TMEM132C: variants seen among roughly 807,000 people sequenced by gnomAD.
TMEM132C encodes the protein transmembrane protein 132C.
Under a neutral mutation model 61.4 loss-of-function variants are expected in TMEM132C, and 29 were observed. The observed-to-expected ratio is 0.47, with a 90% CI of 0.35 to 0.64. The LOEUF is 0.64. Among genes scored for constraint, TMEM132C ranks in the 30% least tolerant of loss-of-function variants. The pLI, the probability that TMEM132C is intolerant of heterozygous loss-of-function variation, is 0.00. For missense variants in TMEM132C, 1,408 were observed against 1,476.9 expected (o/e 0.95, Z 0.76); for synonymous variants, 656 against 633.1 (o/e 1.04, Z -0.54).
At chr12:128,597,494 AAAGAAGGAAGG>A (rs1876013537) in intron 3 of TMEM132C, among the ~76,000 whole-genome samples, 1 of 70,020 alleles carries the variant, frequency 1.4e-5, no homozygotes, top group African/African-American at 4.6e-5. Flanking sequence ...GGAAGGAAGG[AAAGAAGGAAGG>A]AAGGAAGGAA....
chr12:128,349,415 T>G (rs1239117485), intron 1 of TMEM132C, among the ~76,000 whole-genome samples: 3 of 152,172 alleles, frequency 2.0e-5, no homozygotes, highest in Non-Finnish European at 4.4e-5. Flanking sequence ...ACTGAATCCT[T>G]CAAGCTTGGT....
chr12:128,562,139 T>G (rs901140388), intron 3 of TMEM132C, among the ~76,000 whole-genome samples: 1 of 152,212 alleles, frequency 6.6e-6, no homozygotes, highest in African/African-American at 2.4e-5. Context: ...CTCTCCTCTG[T>G]CACTTTGCAC....
intron 1 of TMEM132C, among the ~76,000 whole-genome samples, chr12:128,410,588 T>C (rs987977820): frequency 6.6e-6 from 1 of 152,066 alleles, no homozygotes; most frequent in African/African-American, 2.4e-5. Flanking sequence ...GTATTTTTAG[T>C]AGAGACGGGG....
intron 2 of TMEM132C, among the ~76,000 whole-genome samples, chr12:128,517,651 A>G (rs1872762117): frequency 6.6e-6 from 1 of 152,204 alleles, no homozygotes; most frequent in Non-Finnish European, 1.5e-5. Context: ...GTACAGTTTT[A>G]ACTTCTCTGT....
At chr12:128,394,070 C>G (rs1874858556) in intron 1 of TMEM132C, among the ~76,000 whole-genome samples, 1 of 152,134 alleles carries the variant, frequency 6.6e-6, no homozygotes, top group Non-Finnish European at 1.5e-5. Context: ...TTCCATGAGG[C>G]TGGGGAGGCC....
At chr12:128,401,981 T>C (rs1000064224) in intron 1 of TMEM132C, among the ~76,000 whole-genome samples, 1 of 152,182 alleles carries the variant, frequency 6.6e-6, no homozygotes, top group Non-Finnish European at 1.5e-5. Flanking sequence ...CAGATGTGAT[T>C]AAGGTAAGGC....
At chr12:128,470,406 A>G (rs982315522) in intron 2 of TMEM132C, among the ~76,000 whole-genome samples, 2 of 152,170 alleles carry the variant, frequency 1.3e-5, no homozygotes, top group Non-Finnish European at 2.9e-5. Flanking sequence ...AGGCAGTGGC[A>G]GAAGAATCTT....
chr12:128,351,790 A>G (rs1187766227), intron 1 of TMEM132C, among the ~76,000 whole-genome samples: 1 of 152,198 alleles, frequency 6.6e-6, no homozygotes, highest in Non-Finnish European at 1.5e-5. Flanking sequence ...AACACCTCCT[A>G]GCAGGCCCCA....
At chr12:128,555,687 CA>C (rs1874309697) in intron 3 of TMEM132C, among the ~76,000 whole-genome samples, 1 of 151,632 alleles carries the variant, frequency 6.6e-6, no homozygotes, top group African/African-American at 2.4e-5. Flanking sequence ...AGCCCAAGAT[CA>C]TTGAGGTTAT....
chr12:128,389,248 G>A (rs1426994354), intron 1 of TMEM132C, among the ~76,000 whole-genome samples: 1 of 152,164 alleles, frequency 6.6e-6, no homozygotes, highest in Admixed American at 6.5e-5. Flanking sequence ...CCTCTTTCCT[G>A]GGCTGCCCAG....
intron 2 of TMEM132C, among the ~76,000 whole-genome samples, chr12:128,533,524 AGG>A (rs1366598769): frequency 6.6e-6 from 1 of 152,154 alleles, no homozygotes; most frequent in Non-Finnish European, 1.5e-5. Flanking sequence ...CTGAGGTCTG[AGG>A]GACTGTCTGT....
intron 1 of TMEM132C, among the ~76,000 whole-genome samples, chr12:128,279,565 T>A (rs561919454): frequency 6.6e-6 from 1 of 152,244 alleles, no homozygotes; most frequent in Admixed American, 6.5e-5. Flanking sequence ...AACCCCACAC[T>A]CTGCTCCAGT....
intron 3 of TMEM132C, among the ~76,000 whole-genome samples, chr12:128,550,582 G>A (rs1305528327): frequency 1.3e-5 from 2 of 152,182 alleles, no homozygotes; most frequent in African/African-American, 2.4e-5. Flanking sequence ...TGAGATTACA[G>A]GTGTGAGCCA....
chr12:128,595,183 T>C (rs1875903650), intron 3 of TMEM132C, among the ~76,000 whole-genome samples: 1 of 152,224 alleles, frequency 6.6e-6, no homozygotes, highest in Non-Finnish European at 1.5e-5. Context: ...ACTCTCTTAC[T>C]GTCTCTGGAG....
chr12:128,545,131 G>A (rs1316987113), intron 3 of TMEM132C, among the ~76,000 whole-genome samples: 2 of 152,050 alleles, frequency 1.3e-5, no homozygotes, highest in East Asian at 1.9e-4. Context: ...CCCTCTCCCC[G>A]GCTCTAGGGG....
At chr12:128,303,247 G>A (rs2135920038) in intron 1 of TMEM132C, among the ~76,000 whole-genome samples, 1 of 152,280 alleles carries the variant, frequency 6.6e-6, no homozygotes, top group Non-Finnish European at 1.5e-5. Flanking sequence ...TACTATGACA[G>A]CAGGAATACA....
At chr12:128,560,619 G>A (rs1048411391) in intron 3 of TMEM132C, among the ~76,000 whole-genome samples, 1 of 152,164 alleles carries the variant, frequency 6.6e-6, no homozygotes, top group African/African-American at 2.4e-5. Context: ...GAATCACCTT[G>A]TTTCTTTGTT....
intron 4 of TMEM132C, among the ~76,000 whole-genome samples, chr12:128,647,019 C>G (rs11834673): frequency 4.0e-5 from 6 of 151,528 alleles, no homozygotes; most frequent in African/African-American, 1.5e-4. Context: ...TTACTGGAGT[C>G]CATCAGCGTT....
At chr12:128,286,296 G>T (rs996037786) in intron 1 of TMEM132C, among the ~76,000 whole-genome samples, 24 of 152,310 alleles carry the variant, frequency 1.6e-4, no homozygotes, top group Non-Finnish European at 2.4e-4. Flanking sequence ...TTGCTTGGTG[G>T]AATGTGCCCA....
Sources: allele counts gnomAD v4.1 joint callset (sites outside exome capture counted in the v4.1 genomes callset), GRCh38; gene constraint gnomAD v4.1.1; transcripts MANE v1.5; gene names NCBI Gene and HGNC (gene_info 2026-07-23, HGNC 2026-07-21).